Variants in KAZN observed in about 807,000 individuals in gnomAD.
KAZN encodes the protein kazrin, periplakin interacting protein, also known as kazrin.
In KAZN, 40 loss-of-function variants were observed where a neutral mutation model predicts 87.4. The ratio of observed to expected loss-of-function variants is 0.46; its 90% CI spans 0.36 to 0.60. The LOEUF (loss-of-function observed/expected upper bound fraction) is 0.60, where lower values mean the gene tolerates loss of function less well. KAZN is among the 20% of genes least tolerant of loss of function. The pLI, the probability that KAZN is intolerant of heterozygous loss-of-function variation, is 0.00. For synonymous variants in KAZN, 466 were observed against 458.3 expected, an observed-to-expected ratio of 1.02 and a Z score of -0.22; for missense variants, 898 against 1,073.9, an observed-to-expected ratio of 0.84 and a Z score of 2.29.
At chr1:14,850,969 C>T (rs1275781689) in intron 1 of KAZN, among the ~76,000 whole-genome samples, 9 of 152,180 alleles carry the variant, frequency 5.9e-5, no homozygotes, top group Non-Finnish European at 1.0e-4. Flanking sequence ...AGAGACAGCA[C>T]GCAGTCTTTC....
At chr1:15,018,150 C>T (rs1048649313) in intron 2 of KAZN, among the ~76,000 whole-genome samples, 7 of 152,076 alleles carry the variant, frequency 4.6e-5, no homozygotes, top group South Asian at 2.1e-4. Flanking sequence ...AAAGTGTGTA[C>T]GTCTGCTCAC....
At chr1:14,574,351 G>T (rs536618834) in intron 2 of KAZN, among the ~76,000 whole-genome samples, 9 of 152,166 alleles carry the variant, frequency 5.9e-5, no homozygotes, top group Non-Finnish European at 1.0e-4. Context: ...ATGTCCCCAC[G>T]CAAATCTCAT....
intron 1 of KAZN, among the ~76,000 whole-genome samples, chr1:14,715,842 CAG>C (rs1244639322): frequency 6.6e-6 from 1 of 152,232 alleles, no homozygotes; most frequent in Non-Finnish European, 1.5e-5. Context: ...ATCTCCATCA[CAG>C]AGACGCAGGC....
chr1:14,790,730 G>A (rs1461514920), intron 1 of KAZN, among the ~76,000 whole-genome samples: 3 of 152,000 alleles, frequency 2.0e-5, no homozygotes, highest in Admixed American at 2.0e-4. Context: ...TTTTTGTTCT[G>A]TTGCTGAGGC....
At position 15,103,547 on chromosome 1, in the gene KAZN, T is replaced by C; in HGVS notation, c.1881+87T>C. The C allele has an allele frequency of 3.5e-6, 3 of 858,138 alleles. No individual in the cohort carries two copies. The South Asian group carries it at 4.3e-5, about 12-fold the overall frequency. 53.2% of individuals were successfully genotyped at this position (858,138 alleles called of 1,614,324 possible). On this transcript the variant is annotated intron_variant, in intron 12 of 14. Transcript: ENST00000376030. ...TATGCAAATCAATATGCAAATCACA[T>C]GCAAATCAATATGCAGATCTCATGC...
At chr1:14,752,546 A>G (rs563122233) in intron 1 of KAZN, among the ~76,000 whole-genome samples, 1 of 152,228 alleles carries the variant, frequency 6.6e-6, no homozygotes, top group Admixed American at 6.5e-5. Context: ...GCTGCTCTCT[A>G]CTTCCAAGAT....
intron 2 of KAZN, among the ~76,000 whole-genome samples, chr1:14,277,645 G>C (rs1382833202): frequency 6.8e-6 from 1 of 147,288 alleles, no homozygotes; most frequent in African/African-American, 2.5e-5. Context: ...CCTGGTGACA[G>C]AGCGAGACTC....
chr1:14,144,740 C>A (rs1645309651), intron 1 of KAZN, among the ~76,000 whole-genome samples: 1 of 152,192 alleles, frequency 6.6e-6, no homozygotes, highest in Non-Finnish European at 1.5e-5. Context: ...CTTTAACTCA[C>A]AGTAGAAAGT....
chr1:15,086,261 A>C (rs1573277357), intron 8 of KAZN, among the ~76,000 whole-genome samples: 1 of 152,220 alleles, frequency 6.6e-6, no homozygotes, highest in East Asian at 1.9e-4. Flanking sequence ...ATGAGCCACC[A>C]TGCCTGGCTG....
Position 15,081,864 on chromosome 1 carries a change from G to A in KAZN, c.1223-12316G>A, listed in dbSNP as rs1640020859. Among the ~76,000 whole-genome samples, 1 of 152,122 alleles carries A rather than the reference G, an allele frequency of 6.6e-6. No individual in the cohort carries two copies. On this transcript the variant is annotated intron_variant, in intron 8 of 14. Transcript: ENST00000376030. This position sits in a 1 kb window ranked among gnomAD's most constrained non-coding sequence, Gnocchi z 4.1. ...CCTGTGGGTCACAGCAAGGACCTTG[G>A]GCTTTACCAGGGAGCCATTGAAGGA...
chr1:14,090,251 A>AT (rs1248762442), intron 1 of KAZN, among the ~76,000 whole-genome samples: 4 of 151,968 alleles, frequency 2.6e-5, no homozygotes, highest in African/African-American at 9.7e-5. Flanking sequence ...AATTGCATGT[A>AT]TGTTGGGCCA....
chr1:14,774,470 T>A (rs1302746016), intron 1 of KAZN, among the ~76,000 whole-genome samples: 1 of 94,738 alleles, frequency 1.1e-5, no homozygotes, highest in Non-Finnish European at 2.0e-5. Flanking sequence ...TTGAACAGAT[T>A]TTTTTTTTTT....
Position 15,094,752 on chromosome 1 carries a change from C to A in KAZN, c.1429-63C>A. 1 of 1,275,638 alleles carries A rather than the reference C, an allele frequency of 7.8e-7. No individual in the cohort carries two copies. Among genetic ancestry groups the A allele is most frequent in the Non-Finnish European group, 1.1e-6 (1 of 906,514 alleles). The allele number at this position is 1,275,638 out of a possible 1,614,324, so 79.0% of individuals were successfully genotyped here. Reference sequence around the variant, plus strand: ...GGAGCCCCATGTCAACAGACCCCCTCTAGGGCAGGAACCCCGCCGGCAGCT... The same window carrying A: ...GGAGCCCCATGTCAACAGACCCCCTATAGGGCAGGAACCCCGCCGGCAGCT... On this transcript the variant is annotated intron_variant, in intron 9 of 14. Coordinates refer to ENST00000376030, the MANE Select transcript of KAZN (RefSeq NM_201628.3). The surrounding 1 kb of genome is among the most constrained non-coding windows in gnomAD (Gnocchi z 4.5).
chr1:14,827,612 G>T (rs1646932528), intron 1 of KAZN, among the ~76,000 whole-genome samples: 1 of 152,256 alleles, frequency 6.6e-6, no homozygotes, highest in Non-Finnish European at 1.5e-5. Context: ...GAGGAGGGTT[G>T]TTGGGAAAGA....
intron 1 of KAZN, among the ~76,000 whole-genome samples, chr1:14,177,797 T>G (rs397862190): frequency 0.3 from 42,808 of 144,144 alleles, 7,312 homozygotes; most frequent in African/African-American, 0.5. Flanking sequence ...TGTGTGTGTT[T>G]TTTTTTTTTT....
intron 1 of KAZN, among the ~76,000 whole-genome samples, chr1:14,720,799 G>A (rs796871512): frequency 6.0e-4 from 91 of 152,092 alleles, no homozygotes; most frequent in African/African-American, 2.0e-3. Flanking sequence ...TCACTGCAAC[G>A]TCTGCCTACC....
rs182182497 is a variant in KAZN at position 14,831,961 on chromosome 1, G to A, written c.227-128723G>A. Among the ~76,000 whole-genome samples the A allele has an allele frequency of 7.2e-4, 109 of 152,234 alleles. 1 individual carries two copies. Among genetic ancestry groups the A allele is most frequent in the African/African-American group, 2.5e-3 (104 of 41,548 alleles). On this transcript the variant is annotated intron_variant, in intron 1 of 14. Transcript: ENST00000376030. ...TGTACTCGCAGCACTTTGGGAGGCC[G>A]AGGGAGGTGAATCACCTGAGATCAG...
chr1:13,935,883 TG>T (rs1640711774), intron 1 of KAZN, among the ~76,000 whole-genome samples: 1 of 135,534 alleles, frequency 7.4e-6, no homozygotes, highest in Admixed American at 8.3e-5. Flanking sequence ...TGTGTGTGTG[TG>T]TGTGTGTGTG....
intron 8 of KAZN, among the ~76,000 whole-genome samples, chr1:15,073,732 G>A (rs984432076): frequency 5.9e-5 from 9 of 152,214 alleles, no homozygotes; most frequent in Non-Finnish European, 1.0e-4. Context: ...TGAGATCTGA[G>A]TTCTGAGCCT....
Sources: allele counts gnomAD v4.1 joint callset (sites outside exome capture counted in the v4.1 genomes callset), GRCh38; gene constraint gnomAD v4.1.1; non-coding constraint Gnocchi (gnomAD v3.1); transcripts MANE v1.5; gene names NCBI Gene and HGNC (gene_info 2026-07-23, HGNC 2026-07-21).